ADK: variants seen among roughly 807,000 people sequenced by gnomAD.
The protein encoded by ADK is N6,N6-dimethyladenosine kinase.
A neutral mutation model predicts 44.7 loss-of-function variants in ADK; 24 were observed. The ratio of observed to expected loss-of-function variants is 0.54; its 90% confidence interval spans 0.39 to 0.76. The LOEUF (loss-of-function observed/expected upper bound fraction) is 0.76. Ranked by LOEUF, ADK falls within the 30% of genes least tolerant of loss-of-function variation. ADK has a pLI of 0.00. For synonymous variants in ADK, 128 were observed against 142.6 expected, an observed-to-expected ratio of 0.90 and a Z score of 0.73; for missense variants, 321 against 425.1, an observed-to-expected ratio of 0.76 and a Z score of 2.15.
In ADK at chr10:74,682,614, C is replaced by T. The variant is rs1476670108; in HGVS notation, c.964+12345C>T. On this transcript the variant is annotated intron_variant, in intron 10 of 10. Transcript: ENST00000539909. ...TTTGAGACGGAGTCTAGCTGTGTCG[C>T]CCAGAATGGACTGCAGTGGTGTGAT... Among the ~76,000 whole-genome samples, 5 of 147,686 alleles carry T rather than the reference C, an allele frequency of 3.4e-5. No homozygotes were observed. The East Asian group carries it at 9.7e-4, about 29-fold the overall frequency.
chr10:74,388,927 G>T (rs138226072), intron 4 of ADK, among the ~76,000 whole-genome samples: 21 of 152,254 alleles, frequency 1.4e-4, no homozygotes, highest in African/African-American at 4.8e-4. Flanking sequence ...TAGTGAAAAT[G>T]CCAGGCTCTA....
At chr10:74,295,155 C>G (rs893758985) in intron 3 of ADK, among the ~76,000 whole-genome samples, 9 of 152,022 alleles carry the variant, frequency 5.9e-5, no homozygotes, top group African/African-American at 2.2e-4. Context: ...CACGTCCGGC[C>G]TGTTTAAGAA....
intron 3 of ADK, among the ~76,000 whole-genome samples, chr10:74,275,787 C>T (rs778118433): frequency 2.0e-5 from 3 of 151,996 alleles, no homozygotes; most frequent in African/African-American, 4.8e-5. Flanking sequence ...GCCTCCAGTG[C>T]GGACCACTAT....
At chr10:74,325,050 G>A (rs1421652957) in intron 4 of ADK, among the ~76,000 whole-genome samples, 1 of 152,120 alleles carries the variant, frequency 6.6e-6, no homozygotes, top group African/African-American at 2.4e-5. Context: ...TGTCATTTGA[G>A]AGGGTTTACT....
chr10:74,392,656 C>G (rs1310844061), intron 4 of ADK, among the ~76,000 whole-genome samples: 1 of 152,094 alleles, frequency 6.6e-6, no homozygotes, highest in Non-Finnish European at 1.5e-5. Flanking sequence ...TCACATTTAT[C>G]TATTTTTGCT....
At chr10:74,362,092 G>C (rs1842352596) in intron 4 of ADK, among the ~76,000 whole-genome samples, 1 of 152,036 alleles carries the variant, frequency 6.6e-6, no homozygotes, top group Admixed American at 6.5e-5. Flanking sequence ...TAGTCTACCT[G>C]AATATTTATA....
At chr10:74,217,040 C>T (rs182773320) in intron 2 of ADK, among the ~76,000 whole-genome samples, 9 of 152,284 alleles carry the variant, frequency 5.9e-5, no homozygotes, top group Non-Finnish European at 8.8e-5. Context: ...TGCAGCGCAC[C>T]GTGCATGAGC....
At chr10:74,429,585 AT>A (rs1302716164) in intron 6 of ADK, among the ~76,000 whole-genome samples, 3 of 152,208 alleles carry the variant, frequency 2.0e-5, no homozygotes, top group African/African-American at 7.2e-5. Flanking sequence ...CAAGTTAGGT[AT>A]AATATTAATA....
intron 9 of ADK, among the ~76,000 whole-genome samples, chr10:74,638,548 C>G (rs1486570362): frequency 6.6e-6 from 1 of 152,040 alleles, no homozygotes; most frequent in Non-Finnish European, 1.5e-5. Context: ...TCTTGGCTAC[C>G]CAGGAGGCTG....
At chr10:74,708,196 ACTTTCT>A in intron 10 of ADK, 119 bp from the exon 11 acceptor site, 2 of 1,083,782 alleles carry the variant, frequency 1.8e-6, no homozygotes, top group East Asian at 5.2e-5. Flanking sequence ...AACGCACAAG[ACTTTCT>A]CTTACTGTCA....
At chr10:74,389,975 G>T (rs1843280723) in intron 4 of ADK, among the ~76,000 whole-genome samples, 1 of 151,962 alleles carries the variant, frequency 6.6e-6, no homozygotes, top group Non-Finnish European at 1.5e-5. Flanking sequence ...ATATAATAAT[G>T]ACTTTATTTT....
At chr10:74,470,606 A>G (rs1326481496) in intron 6 of ADK, among the ~76,000 whole-genome samples, 1 of 21,104 alleles carries the variant, frequency 4.7e-5, no homozygotes, top group Non-Finnish European at 1.8e-4. Flanking sequence ...AAAAATATCT[A>G]TTCAAGCCCT....
At chr10:74,162,687 G>A (rs1236430093) in intron 1 of ADK, among the ~76,000 whole-genome samples, 1 of 151,700 alleles carries the variant, frequency 6.6e-6, no homozygotes, top group African/African-American at 2.4e-5. Context: ...TGGGATTACA[G>A]TCATGCACCA....
chr10:74,618,190 T>C (rs954552620), intron 9 of ADK, among the ~76,000 whole-genome samples: 3 of 152,248 alleles, frequency 2.0e-5, no homozygotes, highest in African/African-American at 4.8e-5. Flanking sequence ...CTAATGTATT[T>C]GTGTTCATAT....
At chr10:74,201,676 G>GTATCTATCTATC (rs58785624) in intron 2 of ADK, among the ~76,000 whole-genome samples, 15 of 117,468 alleles carry the variant, frequency 1.3e-4, no homozygotes, top group African/African-American at 2.6e-4. Context: ...ATGTATGTAT[G>GTATCTATCTATC]TATCTATCTA....
chr10:74,585,689 C>T (rs1344951061), intron 7 of ADK, among the ~76,000 whole-genome samples: 4 of 152,168 alleles, frequency 2.6e-5, no homozygotes, highest in African/African-American at 7.2e-5. Flanking sequence ...GATTATCACA[C>T]GGATAATCAC....
intron 4 of ADK, among the ~76,000 whole-genome samples, chr10:74,365,008 GAA>G (rs1842456264): frequency 6.6e-6 from 1 of 152,008 alleles, no homozygotes; most frequent in African/African-American, 2.4e-5. Context: ...TAGAGCTACT[GAA>G]AACCCTACTA....
intron 4 of ADK, among the ~76,000 whole-genome samples, chr10:74,364,204 T>G (rs751148993): frequency 2.0e-5 from 3 of 152,258 alleles, no homozygotes; most frequent in Non-Finnish European, 4.4e-5. Flanking sequence ...CTATATTTTC[T>G]TCTCATGCCT....
chr10:74,345,234 T>C (rs1245760655), intron 4 of ADK, among the ~76,000 whole-genome samples: 1 of 152,214 alleles, frequency 6.6e-6, no homozygotes, highest in East Asian at 1.9e-4. Flanking sequence ...ATCTAATTTG[T>C]TTAATGGCTA....
Sources: gnomAD v4.1 joint callset for allele counts (sites outside exome capture counted in the v4.1 genomes callset) on GRCh38, gnomAD v4.1.1 for gene constraint, MANE v1.5 for transcripts, NCBI Gene and HGNC (gene_info 2026-07-23, HGNC 2026-07-21) for gene names.